The following CPPED1 variants were observed in gnomAD, a reference collection of about 807,000 sequenced individuals.
CPPED1 encodes serine/threonine-protein phosphatase CPPED1.
Under a neutral mutation model 28.0 loss-of-function variants are expected in CPPED1, and 28 were observed. The observed-to-expected ratio is 1.00, with a 90% CI of 0.74 to 1.37. CPPED1 has a LOEUF of 1.37. Ranked by LOEUF, CPPED1 falls within the 40% of genes most tolerant of loss-of-function variation. The pLI is 0.00. For synonymous variants in CPPED1, 198 were observed against 180.2 expected (o/e 1.10, Z -0.79); for missense variants, 504 against 416.5 (o/e 1.21, Z -1.83).
intron 3 of CPPED1, among the ~76,000 whole-genome samples, chr16:12,697,023 ATTTTTAT>A (rs984288076): frequency 3.3e-5 from 5 of 151,650 alleles, no homozygotes; most frequent in African/African-American, 9.7e-5. Flanking sequence ...CATTTTCTTT[ATTTTTAT>A]TTTTTATTTT....
intron 3 of CPPED1, among the ~76,000 whole-genome samples, chr16:12,692,572 C>T (rs1433039381): frequency 6.6e-6 from 1 of 152,196 alleles, no homozygotes; most frequent in Non-Finnish European, 1.5e-5. Flanking sequence ...GAATGGATGA[C>T]TCTGCCTCTA....
chr16:12,727,186 A>G (rs899380096), intron 2 of CPPED1, among the ~76,000 whole-genome samples: 1 of 152,166 alleles, frequency 6.6e-6, no homozygotes, highest in Admixed American at 6.5e-5. Flanking sequence ...GGTTTTAGAC[A>G]CTGTTGGAAT....
At chr16:12,774,748 G>T (rs574392128) in intron 2 of CPPED1, among the ~76,000 whole-genome samples, 4 of 152,158 alleles carry the variant, frequency 2.6e-5, no homozygotes, top group Admixed American at 6.5e-5. Flanking sequence ...TCCATTCATG[G>T]ATTAATGAAT....
chr16:12,686,129 A>T (rs60282901), intron 3 of CPPED1, among the ~76,000 whole-genome samples: 2,256 of 152,282 alleles, frequency 0.015, 49 homozygotes, highest in African/African-American at 0.05. Context: ...CCAAAGGAAC[A>T]GATGCTATTG....
At chr16:12,732,830 G>T (rs1014983352) in intron 2 of CPPED1, among the ~76,000 whole-genome samples, 4 of 152,298 alleles carry the variant, frequency 2.6e-5, no homozygotes, top group Middle Eastern at 3.4e-3. Context: ...GTGGAATGAA[G>T]ACATTTTTGG....
At chr16:12,784,355 G>A (rs924163711) in intron 1 of CPPED1, among the ~76,000 whole-genome samples, 1 of 152,132 alleles carries the variant, frequency 6.6e-6, no homozygotes, top group East Asian at 1.9e-4. Flanking sequence ...AGCCTTATAA[G>A]ACTCTGTGGC....
chr16:12,732,944 C>T (rs1407988319), intron 2 of CPPED1, among the ~76,000 whole-genome samples: 1 of 152,144 alleles, frequency 6.6e-6, no homozygotes, highest in Non-Finnish European at 1.5e-5. Flanking sequence ...CTAGACTAGA[C>T]ACAGAAATCC....
intron 2 of CPPED1, among the ~76,000 whole-genome samples, chr16:12,728,558 A>T (rs1189246241): frequency 6.6e-6 from 1 of 152,098 alleles, no homozygotes; most frequent in Non-Finnish European, 1.5e-5. Flanking sequence ...CTACAGAATA[A>T]ATCATGAATA....
At chr16:12,740,561 G>A (rs921444934) in intron 2 of CPPED1, among the ~76,000 whole-genome samples, 1 of 152,076 alleles carries the variant, frequency 6.6e-6, no homozygotes, top group Non-Finnish European at 1.5e-5. Flanking sequence ...CGTCTACTGG[G>A]GATGAGGACA....
At chr16:12,729,930 C>T (rs904141942) in intron 2 of CPPED1, among the ~76,000 whole-genome samples, 27 of 152,170 alleles carry the variant, frequency 1.8e-4, no homozygotes, top group African/African-American at 6.0e-4. Flanking sequence ...GGCGTGACCA[C>T]AGCTCACTGC....
At chr16:12,671,365 G>T (rs2079851916) in intron 3 of CPPED1, among the ~76,000 whole-genome samples, 1 of 152,062 alleles carries the variant, frequency 6.6e-6, no homozygotes, top group Non-Finnish European at 1.5e-5. Flanking sequence ...GAACAGGAAG[G>T]AAACAGAGAT....
At chr16:12,753,933 G>T (rs1334714851) in intron 2 of CPPED1, 1 of 152,100 alleles carries the variant, frequency 6.6e-6, no homozygotes, top group African/African-American at 2.4e-5. Flanking sequence ...TGACAGGCTG[G>T]GTAATGAATG....
chr16:12,707,580 A>G (rs1409344000), intron 2 of CPPED1, among the ~76,000 whole-genome samples: 1 of 152,172 alleles, frequency 6.6e-6, no homozygotes, highest in East Asian at 1.9e-4. Flanking sequence ...ATGGCCCCTC[A>G]CATGCTAACT....
intron 2 of CPPED1, among the ~76,000 whole-genome samples, chr16:12,715,651 C>T (rs1348749213): frequency 2.0e-5 from 3 of 152,138 alleles, no homozygotes; most frequent in African/African-American, 4.8e-5. Context: ...CAGAGCGAGA[C>T]TCCATCTCAA....
chr16:12,697,182 G>A (rs542165019), intron 3 of CPPED1, among the ~76,000 whole-genome samples: 48 of 151,850 alleles, frequency 3.2e-4, no homozygotes, highest in African/African-American at 8.2e-4. Flanking sequence ...GTGCCATCAC[G>A]CTTGGCTAAT....
intron 3 of CPPED1, among the ~76,000 whole-genome samples, chr16:12,673,563 T>C (rs1427183873): frequency 2.0e-5 from 3 of 152,116 alleles, no homozygotes; most frequent in African/African-American, 7.2e-5. Context: ...TAATGGTGAT[T>C]GTTCAAGTGC....
intron 1 of CPPED1, among the ~76,000 whole-genome samples, chr16:12,794,666 T>C (rs2080616331): frequency 6.6e-6 from 1 of 152,216 alleles, no homozygotes; most frequent in African/African-American, 2.4e-5. Flanking sequence ...CGAAATGCTT[T>C]TGAGCATGAC....
intron 1 of CPPED1, among the ~76,000 whole-genome samples, chr16:12,800,185 G>A (rs1000779821): frequency 2.6e-5 from 4 of 152,156 alleles, no homozygotes; most frequent in Non-Finnish European, 5.9e-5. Flanking sequence ...GGTGGCTCAT[G>A]CCTGTAAATC....
At chr16:12,669,266 T>C (rs1022210512) in intron 3 of CPPED1, among the ~76,000 whole-genome samples, 3 of 152,122 alleles carry the variant, frequency 2.0e-5, no homozygotes, top group Non-Finnish European at 4.4e-5. Context: ...TTATATAAAA[T>C]GTCCAGAATA....
Sources: allele counts gnomAD v4.1 joint callset (sites outside exome capture counted in the v4.1 genomes callset), GRCh38; gene constraint gnomAD v4.1.1; transcripts MANE v1.5; gene names NCBI Gene and HGNC (gene_info 2026-07-23, HGNC 2026-07-21).